Variants in ASH1L observed in about 807,000 individuals in gnomAD.
ASH1L encodes the protein histone-lysine N-methyltransferase ASH1L.
ASH1L carries 23 observed loss-of-function variants against 269.0 expected under a neutral mutation model. The observed-to-expected ratio is 0.09, with a 90% CI of 0.06 to 0.12. The LOEUF (loss-of-function observed/expected upper bound fraction) is 0.12, where lower values mean the gene tolerates loss of function less well. Among genes scored for constraint, ASH1L ranks in the 10% least tolerant of loss-of-function variants. The pLI is 1.00. For synonymous variants in ASH1L, 1,187 were observed against 1,253.5 expected, an observed-to-expected ratio of 0.95 and a Z score of 1.12; for missense variants, 2,912 against 3,567.8, an observed-to-expected ratio of 0.82 and a Z score of 4.68.
intron 6 of ASH1L, among the ~76,000 whole-genome samples, chr1:155,398,715 T>C (rs1283529636): frequency 6.6e-6 from 1 of 152,088 alleles, no homozygotes; most frequent in Non-Finnish European, 1.5e-5. Flanking sequence ...TTTTATTTTT[T>C]TGCTTTTTTG....
At chr1:155,384,368 G>GT (rs1357446569) in intron 7 of ASH1L, among the ~76,000 whole-genome samples, 2 of 152,124 alleles carry the variant, frequency 1.3e-5, no homozygotes, top group Non-Finnish European at 2.9e-5. Flanking sequence ...GAAAAATGCT[G>GT]TATCACTTCC....
chr1:155,339,829 A>G (rs1158180877), intron 25 of ASH1L, among the ~76,000 whole-genome samples: 1 of 152,206 alleles, frequency 6.6e-6, no homozygotes, highest in Non-Finnish European at 1.5e-5. Context: ...AGGCAGTTGT[A>G]ATACCATGGT....
At position 155,477,889 on chromosome 1, in the gene ASH1L, C is replaced by A. The variant is rs1422067129; in HGVS notation, c.4981G>T (p.Ala1661Ser). ...PSNERAVQTL[A>S]GSQPTSDKPS... is the part of the protein sequence containing the mutation. ...GGTAACAAAATAACCCTCTTACCTG[C>A]CAAAGTCTGTACTGCCCTTTCGTTA... Residue 1661 changes from alanine (A) to serine (S), a missense_variant, in exon 3 of 28, where the codon GCA becomes TCA. By Grantham distance (99) the Ala-to-Ser change is moderately conservative. This residue lies in a region of ASH1L where 789 missense variants were observed against 897.6 expected (regional missense o/e 0.88). Coordinates refer to ENST00000392403, the MANE Select transcript of ASH1L (RefSeq NM_018489.3). 3 of 1,596,292 alleles carry A rather than the reference C, an allele frequency of 1.9e-6. No homozygotes were observed. Among genetic ancestry groups the A allele is most frequent in the African/African-American group, 1.3e-5 (1 of 74,362 alleles).
rs766450057 is a variant in ASH1L at position 155,478,000 on chromosome 1, G to C, written c.4870C>G (p.Arg1624Gly). ...CCAGGGCTGTCAGTTAATTTCTTCC[G>C]GCCACTGGAGTTAGGGTTTGAAACT... Reference protein sequence around the residue: ...CRVSNPNSSGRKKLTDSPGLF... With the variant: ...CRVSNPNSSGGKKLTDSPGLF... The change falls in exon 3 of 28, where the codon CGG becomes GGG. Residue 1624 changes from arginine to glycine, a missense_variant. Coordinates refer to ENST00000392403, the MANE Select transcript of ASH1L (RefSeq NM_018489.3). 1 of 1,614,176 alleles carries C rather than the reference G, an allele frequency of 6.2e-7. No individual in the cohort carries two copies. The highest frequency in any genetic ancestry group is 8.5e-7 in the Non-Finnish European group (1 of 1,180,050).
At chr1:155,430,891 G>A (rs747919043) in intron 5 of ASH1L, among the ~76,000 whole-genome samples, 1 of 152,106 alleles carries the variant, frequency 6.6e-6, no homozygotes, top group Non-Finnish European at 1.5e-5. Flanking sequence ...CAGAGTAGCT[G>A]AGACTATTGG....
chr1:155,343,186 G>T lies in ASH1L; in HGVS notation c.8293+128C>A. 1.0e-6 allele frequency: 1 copy of T among 993,514 alleles called. No individual in the cohort carries two copies. The highest frequency in any genetic ancestry group is 1.5e-6 in the Non-Finnish European group (1 of 677,702). 61.5% of individuals were successfully genotyped at this position (993,514 alleles called of 1,614,324 possible). A position where few individuals can be genotyped will look rare whatever the true frequency, so the allele number is the denominator to read the frequency against. ...TACAGAGGCAGAGTTTTGCCACGTT[G>T]GCCAGGCTGGTCTCACACTCCTGGG... On this transcript the variant is annotated intron_variant, in intron 24 of 27. Transcript: ENST00000392403. This position sits in a 1 kb window ranked among gnomAD's most constrained non-coding sequence, Gnocchi z 6.1.
Position 155,562,397 on chromosome 1 carries a change from C to T in ASH1L, c.-344G>A. ...ACCGAGACTGGGATCGTCTCCCCTC[C>T]GCAAAGCGAACCCAAAATGGCGGCG... On this transcript the variant is annotated 5_prime_UTR_variant, in exon 1 of 28. Transcript: ENST00000392403. 6.7e-7 allele frequency: 1 copy of T among 1,499,112 alleles called. No individual in the cohort carries two copies. The allele number at this position is 1,499,112 out of a possible 1,614,324, so 92.9% of individuals were successfully genotyped here.
At chr1:155,422,301 T>TA (rs1450081571) in intron 5 of ASH1L, among the ~76,000 whole-genome samples, 3 of 135,506 alleles carry the variant, frequency 2.2e-5, no homozygotes, top group Non-Finnish European at 4.7e-5. Flanking sequence ...CACGCCCAGC[T>TA]AATTTTTTTT....
intron 6 of ASH1L, among the ~76,000 whole-genome samples, chr1:155,400,831 C>T (rs1364262332): frequency 1.3e-5 from 2 of 152,174 alleles, no homozygotes; most frequent in African/African-American, 2.4e-5. Flanking sequence ...CACCTATTTA[C>T]AGGGAGAGAC....
chr1:155,360,965 G>A (rs1654889067), intron 12 of ASH1L, among the ~76,000 whole-genome samples: 3 of 151,994 alleles, frequency 2.0e-5, no homozygotes, highest in Admixed American at 6.6e-5. Context: ...ACCAGACCAG[G>A]CGCCGTAGCT....
At chr1:155,381,336 C>T (rs1025048210) in intron 7 of ASH1L, among the ~76,000 whole-genome samples, 3 of 151,634 alleles carry the variant, frequency 2.0e-5, no homozygotes, top group African/African-American at 7.3e-5. Flanking sequence ...AGGTAGATCA[C>T]GAGGTCAGGC....
intron 17 of ASH1L, among the ~76,000 whole-genome samples, chr1:155,351,727 G>A (rs1490529795): frequency 6.6e-6 from 1 of 151,874 alleles, no homozygotes; most frequent in African/African-American, 2.4e-5. Flanking sequence ...GTGTGCGCCT[G>A]TAGTCCCAGC....
At chr1:155,485,011 C>A (rs1666233874) in intron 2 of ASH1L, among the ~76,000 whole-genome samples, 1 of 150,542 alleles carries the variant, frequency 6.6e-6, no homozygotes, top group African/African-American at 2.4e-5. Context: ...GTAATCCCAG[C>A]ACTTTGTGAG....
At chr1:155,444,045 G>A (rs899399867) in intron 4 of ASH1L, among the ~76,000 whole-genome samples, 6 of 146,756 alleles carry the variant, frequency 4.1e-5, no homozygotes, top group African/African-American at 1.0e-4. Context: ...GGGCAGTGGC[G>A]TGATCTTGGC....
intron 1 of ASH1L, among the ~76,000 whole-genome samples, chr1:155,534,021 G>A (rs2148874160): frequency 6.6e-6 from 1 of 151,478 alleles, no homozygotes; most frequent in South Asian, 2.1e-4. Context: ...AACTTTAAGT[G>A]CTTTCTTTCC....
chr1:155,346,095 G>T (rs1157185395), intron 21 of ASH1L: 7 of 1,204,612 alleles, frequency 5.8e-6, no homozygotes, highest in Non-Finnish European at 7.7e-6. Context: ...TAGCCTCCCA[G>T]TGTGCTAGGA....
At chr1:155,381,422 C>G (rs1020218960) in intron 7 of ASH1L, among the ~76,000 whole-genome samples, 1 of 151,726 alleles carries the variant, frequency 6.6e-6, no homozygotes, top group East Asian at 1.9e-4. Context: ...TGGTGGTGGG[C>G]GCCTGTAATC....
intron 12 of ASH1L, among the ~76,000 whole-genome samples, chr1:155,369,979 G>A (rs1655792246): frequency 6.6e-6 from 1 of 152,174 alleles, no homozygotes; most frequent in Non-Finnish European, 1.5e-5. Flanking sequence ...ATGTTGGTCA[G>A]GCTGGTCTCA....
At chr1:155,379,341 C>T (rs545509822) in intron 8 of ASH1L, among the ~76,000 whole-genome samples, 42 of 152,238 alleles carry the variant, frequency 2.8e-4, no homozygotes, top group African/African-American at 9.4e-4. Flanking sequence ...GAGAAGACAA[C>T]GCAGAGGGGA....
Sources: gnomAD v4.1 joint callset for allele counts (sites outside exome capture counted in the v4.1 genomes callset) on GRCh38, gnomAD v4.1.1 for gene constraint, gnomAD v4.1.1 regional missense constraint, Gnocchi (gnomAD v3.1) non-coding constraint, MANE v1.5 for transcripts, NCBI Gene and HGNC (gene_info 2026-07-23, HGNC 2026-07-21) for gene names.